ARL1: variants seen among roughly 807,000 people sequenced by gnomAD.
ARL1 encodes the protein ARF like GTPase 1, also known as ADP-ribosylation factor-like protein 1.
In ARL1, 17 loss-of-function variants were observed where a neutral mutation model predicts 30.1. That is an observed-to-expected ratio of 0.56 (90% confidence interval 0.39 to 0.85). The LOEUF (loss-of-function observed/expected upper bound fraction) is 0.85, where lower values mean the gene tolerates loss of function less well. Among genes scored for constraint, ARL1 ranks in the 40% least tolerant of loss-of-function variants. The pLI, the probability that ARL1 is intolerant of heterozygous loss-of-function variation, is 0.00. For synonymous variants in ARL1, 58 were observed against 71.7 expected, an observed-to-expected ratio of 0.81 and a Z score of 0.97; for missense variants, 102 against 212.6, an observed-to-expected ratio of 0.48 and a Z score of 3.24.
intron 3 of ARL1, 96 bp from the exon 4 acceptor site, chr12:101,401,269 A>G (rs1196227746): frequency 1.4e-6 from 1 of 735,806 alleles, no homozygotes; most frequent in East Asian, 2.6e-5. Flanking sequence ...TGTTAGAATC[A>G]ATGCCTTAAT....
rs187688225 is a variant in ARL1, at chr12:101,397,724, G to A, written c.337-1147C>T. On this transcript the variant is annotated intron_variant, in intron 4 of 5. Coordinates refer to ENST00000261636, the MANE Select transcript of ARL1 (RefSeq NM_001177.6). ...CATGTTGGTCACTCAGACTGGTCTC[G>A]AACTCCTGACCTCATGATCCACCCG... Among the ~76,000 whole-genome samples the A allele has an allele frequency of 1.1e-4, 17 of 151,986 alleles. No homozygotes were observed. The East Asian group carries it at 2.9e-3, about 26-fold the overall frequency.
At chr12:101,395,982 A>T (rs1412456401) in intron 5 of ARL1, among the ~76,000 whole-genome samples, 1 of 152,220 alleles carries the variant, frequency 6.6e-6, no homozygotes, top group Non-Finnish European at 1.5e-5. Context: ...GAGTAGATGA[A>T]CAAATCAAAC....
intron 2 of ARL1, among the ~76,000 whole-genome samples, chr12:101,404,881 T>A (rs554754633): frequency 6.6e-6 from 1 of 152,122 alleles, no homozygotes; most frequent in East Asian, 1.9e-4. Flanking sequence ...TATACACATA[T>A]ATATTTTGAG....
chr12:101,401,694 G>GGGAGTTTCCAAATGAATTCATTCA (rs1871310573), intron 3 of ARL1, among the ~76,000 whole-genome samples: 1 of 148,188 alleles, frequency 6.7e-6, no homozygotes, highest in Non-Finnish European at 1.5e-5. Flanking sequence ...CACAGGACCA[G>GGGAGTTTCCAAATGAATTCATTCA]GGAGTTTCCA....
intron 1 of ARL1, chr12:101,407,438 A>G (rs950853841): frequency 1.5e-5 from 9 of 615,748 alleles, no homozygotes; most frequent in Non-Finnish European, 2.2e-5. Context: ...AATCAAGGGG[A>G]ACCGAGAGAG....
chr12:101,400,758 G>T (rs1871284876), intron 4 of ARL1, among the ~76,000 whole-genome samples: 1 of 152,154 alleles, frequency 6.6e-6, no homozygotes, highest in African/African-American at 2.4e-5. Context: ...AAAATAAAAA[G>T]ACATATTTTA....
At chr12:101,396,051 A>G (rs1048636926) in intron 5 of ARL1, 2 of 560,700 alleles carry the variant, frequency 3.6e-6, no homozygotes, top group South Asian at 2.4e-5. Flanking sequence ...ATCTAACTTT[A>G]AGTGAGTGAT....
intron 2 of ARL1, among the ~76,000 whole-genome samples, chr12:101,405,150 C>T (rs1457424112): frequency 2.6e-5 from 4 of 152,144 alleles, no homozygotes; most frequent in South Asian, 2.1e-4. Context: ...CCATTACAGG[C>T]GTGAGCTCCT....
At chr12:101,407,573 T>C in intron 1 of ARL1, 69 bp downstream of exon 1, 2 of 1,598,708 alleles carry the variant, frequency 1.3e-6, no homozygotes, top group South Asian at 2.2e-5. Context: ...GCCCCTCTCC[T>C]CCTCTGCACC....
At chr12:101,404,649 G>C (rs1871392346) in intron 2 of ARL1, among the ~76,000 whole-genome samples, 1 of 152,148 alleles carries the variant, frequency 6.6e-6, no homozygotes, top group South Asian at 2.1e-4. Flanking sequence ...CTGAGTGACA[G>C]ACTAACATTA....
rs1593469168 is a variant in ARL1, at chr12:101,407,765, G to C, written c.-120C>G. Reference sequence around the variant, plus strand: ...CAACTTCCACGTCGGACTCCAGGCGGGGGCGGGAGCGAGGGTCAGCTGCGA... The same window carrying C: ...CAACTTCCACGTCGGACTCCAGGCGCGGGCGGGAGCGAGGGTCAGCTGCGA... On this transcript the variant is annotated 5_prime_UTR_variant, in exon 1 of 6. Coordinates refer to ENST00000261636, the MANE Select transcript of ARL1 (RefSeq NM_001177.6). 12 of 1,473,952 alleles carry C rather than the reference G, an allele frequency of 8.1e-6. No individual in the cohort carries two copies. Among genetic ancestry groups the C allele is most frequent in the Middle Eastern group, 1.7e-4 (1 of 5,820 alleles). The allele number at this position is 1,473,952 out of a possible 1,614,324, so 91.3% of individuals were successfully genotyped here.
chr12:101,402,682 G>A (rs1348178223), intron 3 of ARL1, among the ~76,000 whole-genome samples, 183 bp downstream of exon 3: 1 of 152,104 alleles, frequency 6.6e-6, no homozygotes, highest in Non-Finnish European at 1.5e-5. Context: ...CTGGAAAACT[G>A]GGCTTCCTTA....
At chr12:101,401,585 G>C (rs1376859350) in intron 3 of ARL1, 1 of 133,634 alleles carries the variant, frequency 7.5e-6, no homozygotes, top group African/African-American at 2.9e-5. Context: ...CCAGTGAGCT[G>C]AGATGGTGCC....
At chr12:101,402,488 A>G (rs1352322295) in intron 3 of ARL1, among the ~76,000 whole-genome samples, 1 of 152,194 alleles carries the variant, frequency 6.6e-6, no homozygotes, top group African/African-American at 2.4e-5. Context: ...TGCCCGGCCA[A>G]TGGCATTTAT....
chr12:101,405,957 G>C lies in ARL1; in HGVS notation c.29C>G (p.Ser10Cys). 6.4e-7 allele frequency: 1 copy of C among 1,564,334 alleles called. No individual in the cohort carries two copies. The highest frequency in any genetic ancestry group is 8.7e-7 in the Non-Finnish European group (1 of 1,154,982). ...CATTTCCCGAGTTCCAAACAGACTG[G>C]AAAATATACTTGAGAAAAAGCCACC... MGGFFSSIF[S>C]SLFGTREMRI... Residue 10 changes from serine (S) to cysteine (C), a missense_variant, in exon 2 of 6, where the codon TCC (serine) becomes TGC (cysteine). By Grantham distance (112) the Ser-to-Cys change is moderately radical (BLOSUM62 -1). Transcript: ENST00000261636.
At chr12:101,404,338 A>T (rs559474709) in intron 2 of ARL1, among the ~76,000 whole-genome samples, 1 of 151,998 alleles carries the variant, frequency 6.6e-6, no homozygotes, top group South Asian at 2.1e-4. Context: ...GCAGTGAGCT[A>T]TGAATGTGCC....
intron 2 of ARL1, chr12:101,403,262 A>G (rs1871352056): frequency 2.3e-6 from 1 of 437,754 alleles, no homozygotes; most frequent in Admixed American, 2.7e-5. Flanking sequence ...AGTTCTGCAA[A>G]TAAAGTATAT....
At position 101,407,655 on chromosome 12, in the gene ARL1, C is replaced by T; in HGVS notation, c.-10G>A. ...CGAACCCCTCACCCATGATGAACCC[C>T]CTGTCCTCCCTCGCCGATCTTCAGT... On this transcript the variant is annotated 5_prime_UTR_variant, in exon 1 of 6. Transcript: ENST00000261636. 1 of 1,612,322 alleles carries T rather than the reference C, an allele frequency of 6.2e-7. No individual in the cohort carries two copies. The highest frequency in any genetic ancestry group is 8.5e-7 in the Non-Finnish European group (1 of 1,179,788).
intron 2 of ARL1, chr12:101,403,359 T>C (rs1418890123): frequency 1.8e-5 from 6 of 334,882 alleles, no homozygotes; most frequent in African/African-American, 1.3e-4. Context: ...AATCCTATTA[T>C]ATTAAACTCC....
Sources: gnomAD v4.1 joint callset for allele counts (sites outside exome capture counted in the v4.1 genomes callset) on GRCh38, gnomAD v4.1.1 for gene constraint, MANE v1.5 for transcripts, NCBI Gene and HGNC (gene_info 2026-07-23, HGNC 2026-07-21) for gene names.